PPP2R2D: variants seen among roughly 807,000 people sequenced by gnomAD.
PPP2R2D encodes the protein serine/threonine-protein phosphatase 2A 55 kDa regulatory subunit B delta isoform.
Under a neutral mutation model 31.1 loss-of-function variants are expected in PPP2R2D, and 9 were observed. That is an observed-to-expected ratio of 0.29 (90% CI 0.17 to 0.51). PPP2R2D has a LOEUF of 0.51. Ranked by LOEUF, PPP2R2D falls within the 20% of genes least tolerant of loss-of-function variation. The pLI, the probability that PPP2R2D is intolerant of heterozygous loss-of-function variation, is 0.98. For missense variants in PPP2R2D, 391 were observed against 465.6 expected (o/e 0.84, Z 1.48); for synonymous variants, 179 against 172.6 (o/e 1.04, Z -0.29).
At chr10:131,912,775 C>T (rs1465921121) in intron 2 of PPP2R2D, among the ~76,000 whole-genome samples, 1 of 152,182 alleles carries the variant, frequency 6.6e-6, no homozygotes, top group East Asian at 1.9e-4. Context: ...TTATGTGGCT[C>T]ATTTTATCCT....
chr10:131,970,556 A>C, the PPP2R2D span: 4 of 1,517,064 alleles, frequency 2.6e-6, no homozygotes, highest in Non-Finnish European at 3.6e-6. This position sits in a 1 kb window ranked among gnomAD's most constrained non-coding sequence, Gnocchi z 4.1. Context: ...GGACTTCAGG[A>C]AACAGGTTAC....
chr10:131,945,930 A>G lies in PPP2R2D; in HGVS notation c.820+471A>G, dbSNP rs368971280. The G allele has an allele frequency of 7.7e-5, 12 of 156,336 alleles. No homozygotes were observed. Among genetic ancestry groups the G allele is most frequent in the Admixed American group, 5.5e-4 (9 of 16,378 alleles). 9.7% of individuals were successfully genotyped at this position (156,336 alleles called of 1,614,324 possible). A position where few individuals can be genotyped will look rare whatever the true frequency, so the allele number is the denominator to read the frequency against. ...CTGCTAATAAGTGGAACTCGAGGTCATGCTTCCCACAGGCTTATGGCTGTA... is the reference window on the plus strand; with the variant it reads ...CTGCTAATAAGTGGAACTCGAGGTCGTGCTTCCCACAGGCTTATGGCTGTA... On this transcript the variant is annotated intron_variant, in intron 7 of 8. Coordinates refer to ENST00000455566, the MANE Select transcript of PPP2R2D (RefSeq NM_018461.5). This position sits in a 1 kb window ranked among gnomAD's most constrained non-coding sequence, Gnocchi z 4.8.
intron 2 of PPP2R2D, among the ~76,000 whole-genome samples, chr10:131,906,136 A>C (rs1356397678): frequency 6.6e-6 from 1 of 152,126 alleles, no homozygotes; most frequent in Non-Finnish European, 1.5e-5. Flanking sequence ...CACTTTCCAC[A>C]TGACTGCAAC....
chr10:131,963,759 C>A (rs186980797), downstream of PPP2R2D, among the ~76,000 whole-genome samples: 1 of 152,254 alleles, frequency 6.6e-6, no homozygotes, highest in Admixed American at 6.5e-5. Flanking sequence ...ATTTATTTTC[C>A]TTCTTAGCGT....
intron 2 of PPP2R2D, among the ~76,000 whole-genome samples, chr10:131,912,792 T>C (rs2035705302): frequency 6.6e-6 from 1 of 152,362 alleles, no homozygotes; most frequent in South Asian, 2.1e-4. Context: ...TCCTTTTTGA[T>C]GGCTGCATAG....
chr10:131,903,624 T>G (rs937054750), intron 2 of PPP2R2D, among the ~76,000 whole-genome samples: 1 of 152,192 alleles, frequency 6.6e-6, no homozygotes, highest in East Asian at 1.9e-4. Context: ...TTTGTAACAT[T>G]GCTTTGTGGT....
the PPP2R2D span, chr10:131,970,790 G>A: frequency 5.0e-6 from 8 of 1,614,140 alleles, no homozygotes; most frequent in Middle Eastern, 1.6e-4. The surrounding 1 kb of genome is among the most constrained non-coding windows in gnomAD (Gnocchi z 4.1). Context: ...GGAACTCCCT[G>A]AGGCGGGAAG....
chr10:131,908,158 T>G (rs1465655829), intron 2 of PPP2R2D, among the ~76,000 whole-genome samples: 5 of 152,170 alleles, frequency 3.3e-5, no homozygotes, highest in Non-Finnish European at 1.5e-5. Flanking sequence ...AAATAGCAGT[T>G]TCTTGTTTTT....
At chr10:131,962,878 T>C (rs2036942423), downstream of PPP2R2D, among the ~76,000 whole-genome samples, 1 of 152,160 alleles carries the variant, frequency 6.6e-6, no homozygotes, top group African/African-American at 2.4e-5. Context: ...GAAAATTATC[T>C]TTGGGGCTAG....
chr10:131,946,599 G>A (rs1261380530), intron 7 of PPP2R2D, among the ~76,000 whole-genome samples: 1 of 152,200 alleles, frequency 6.6e-6, no homozygotes, highest in African/African-American at 2.4e-5. Context: ...TGTATCTTAA[G>A]CATAAAATTC....
At chr10:131,964,374 C>T (rs533177232), downstream of PPP2R2D, among the ~76,000 whole-genome samples, 5 of 152,162 alleles carry the variant, frequency 3.3e-5, no homozygotes, top group East Asian at 1.9e-4. Context: ...TCACCACCAC[C>T]GGGACCCAGG....
intron 2 of PPP2R2D, among the ~76,000 whole-genome samples, chr10:131,913,717 G>A (rs1257857736): frequency 2.6e-5 from 4 of 152,150 alleles, no homozygotes; most frequent in Non-Finnish European, 5.9e-5. Context: ...GGCTCACTCC[G>A]TTACAGGCCT....
intron 2 of PPP2R2D, among the ~76,000 whole-genome samples, chr10:131,917,863 A>T: frequency 1.2e-5 from 1 of 84,246 alleles, no homozygotes; most frequent in South Asian, 5.1e-4. Flanking sequence ...GGGACCTCAC[A>T]CGGGTGGAAT....
chr10:131,956,563 C>T lies in PPP2R2D; in HGVS notation c.*600C>T, dbSNP rs1235132754. Reference sequence around the variant, plus strand: ...TTTTAAATCCAAACAGAAGTATTGTCTTTTTATTTAATTTTATTGCATAGA... The same window carrying T: ...TTTTAAATCCAAACAGAAGTATTGTTTTTTTATTTAATTTTATTGCATAGA... On this transcript the variant is annotated 3_prime_UTR_variant, in exon 9 of 9. Coordinates refer to ENST00000455566, the MANE Select transcript of PPP2R2D (RefSeq NM_018461.5). 2.0e-6 allele frequency: 2 copies of T among 984,810 alleles called. No individual in the cohort carries two copies. The highest frequency in any genetic ancestry group is 2.4e-6 in the Non-Finnish European group (2 of 829,478). 61.0% of individuals were successfully genotyped at this position (984,810 alleles called of 1,614,324 possible).
intron 2 of PPP2R2D, among the ~76,000 whole-genome samples, chr10:131,922,747 T>C (rs894281444): frequency 2.0e-5 from 3 of 152,106 alleles, no homozygotes; most frequent in Admixed American, 2.0e-4. Flanking sequence ...CGCCCGGCCA[T>C]TATCTGTCAA....
chr10:131,959,071 A>T lies in PPP2R2D; in HGVS notation c.*3108A>T. 2.2e-5 allele frequency: 2 copies of T among 90,248 alleles called. No individual in the cohort carries two copies. Among genetic ancestry groups the T allele is most frequent in the Admixed American group, 1.1e-4 (1 of 8,980 alleles). The allele number at this position is 90,248 out of a possible 1,614,324, so 5.6% of individuals were successfully genotyped here. Reference sequence around the variant, plus strand: ...GCTCATCCCCCATCCCCCTGTGGAGATGAAGGCGTGTGCTGATCCGCCATC... The same window carrying T: ...GCTCATCCCCCATCCCCCTGTGGAGTTGAAGGCGTGTGCTGATCCGCCATC... On this transcript the variant is annotated 3_prime_UTR_variant, in exon 9 of 9. Coordinates refer to ENST00000455566, the MANE Select transcript of PPP2R2D (RefSeq NM_018461.5).
At chr10:131,930,531 T>C (rs58142972) in intron 2 of PPP2R2D, among the ~76,000 whole-genome samples, 38,418 of 152,208 alleles carry the variant, frequency 0.25, 5,001 homozygotes, top group African/African-American at 0.3. Flanking sequence ...CAGATTTGAT[T>C]GAAAACTTGA....
intron 2 of PPP2R2D, among the ~76,000 whole-genome samples, chr10:131,906,495 T>C (rs2035585979): frequency 6.6e-6 from 1 of 152,258 alleles, no homozygotes; most frequent in Non-Finnish European, 1.5e-5. Context: ...CATAGATATC[T>C]GGTTAATCTG....
intron 5 of PPP2R2D, among the ~76,000 whole-genome samples, chr10:131,941,981 C>T (rs1243808450): frequency 1.3e-5 from 2 of 152,218 alleles, no homozygotes; most frequent in Non-Finnish European, 2.9e-5. Context: ...AGTGCTGCCG[C>T]CTTTGCACCC....
Sources: allele counts gnomAD v4.1 joint callset (sites outside exome capture counted in the v4.1 genomes callset), GRCh38; gene constraint gnomAD v4.1.1; non-coding constraint Gnocchi (gnomAD v3.1); transcripts MANE v1.5; gene names NCBI Gene and HGNC (gene_info 2026-07-23, HGNC 2026-07-21).